Variants in NSUN3 observed in about 807,000 individuals in gnomAD.
NSUN3 encodes the protein NOP2/Sun RNA methyltransferase 3, also known as tRNA (cytosine(34)-C(5))-methyltransferase, mitochondrial.
NSUN3 carries 24 observed loss-of-function variants against 36.8 expected under a neutral mutation model. That is an observed-to-expected ratio of 0.65 (90% CI 0.47 to 0.92). The LOEUF is 0.92. Among genes scored for constraint, NSUN3 ranks in the 40% least tolerant of loss-of-function variants. The pLI is 0.00. For synonymous variants in NSUN3, 146 were observed against 145.2 expected (o/e 1.01, Z -0.04); for missense variants, 381 against 392.8 (o/e 0.97, Z 0.25).
At chr3:94,101,076 C>G (rs1159462928) in intron 5 of NSUN3, among the ~76,000 whole-genome samples, 1 of 152,092 alleles carries the variant, frequency 6.6e-6, no homozygotes, top group Non-Finnish European at 1.5e-5. Flanking sequence ...ACTGCAGCCT[C>G]AATCTCCTGG....
intron 5 of NSUN3, among the ~76,000 whole-genome samples, chr3:94,102,222 A>C (rs1174823656): frequency 1.3e-5 from 2 of 151,294 alleles, no homozygotes; most frequent in Non-Finnish European, 3.0e-5. Context: ...AAAAAAAAAA[A>C]AAACACTAAC....
rs1173811456 is a variant in NSUN3, at chr3:94,131,086, AATTATT to A, written c.*4612_*4617del. Among the ~76,000 whole-genome samples, 2 of 150,970 alleles carry A rather than the reference AATTATT, an allele frequency of 1.3e-5. No homozygotes were observed. The highest frequency in any genetic ancestry group is 6.6e-5 in the Admixed American group (1 of 15,124). On this transcript the variant is annotated 3_prime_UTR_variant, in exon 6 of 6. Coordinates refer to ENST00000314622, the MANE Select transcript of NSUN3 (RefSeq NM_022072.5). ...CAATACCATGCCTGGCTAATTTTTA[AATTATT>A]ATTATTATTATTATTGTAGAGATGT...
Position 94,073,901 on chromosome 3 carries a change from T to C in NSUN3, c.122+9355T>C, listed in dbSNP as rs549977182. Reference sequence around the variant, plus strand: ...TGCCTATGTCCTGAATGGTATTGCCTAGGTTTTCTTCTAGGATTTTTATGG... The same window carrying C: ...TGCCTATGTCCTGAATGGTATTGCCCAGGTTTTCTTCTAGGATTTTTATGG... On this transcript the variant is annotated intron_variant, in intron 2 of 5. Coordinates refer to ENST00000314622, the MANE Select transcript of NSUN3 (RefSeq NM_022072.5). 3.3e-4 allele frequency among the ~76,000 whole-genome samples: 50 copies of C among 152,338 alleles called. No individual in the cohort carries two copies. In the South Asian group the frequency reaches 7.0e-3, roughly 21 times the overall value.
rs985717693 is a variant in NSUN3, at chr3:94,108,758, C to T, written c.743+13604C>T. Among the ~76,000 whole-genome samples the T allele has an allele frequency of 2.0e-5, 3 of 152,096 alleles. No homozygotes were observed. The East Asian group carries it at 5.8e-4, about 29-fold the overall frequency. On this transcript the variant is annotated intron_variant, in intron 5 of 5. Transcript: ENST00000314622. Reference sequence around the variant, plus strand: ...GCTGCTCACTAAGGCGGAGGCCTCCCGGGTTCCATCAATTCTCCTGCCTCA... The same window carrying T: ...GCTGCTCACTAAGGCGGAGGCCTCCTGGGTTCCATCAATTCTCCTGCCTCA...
chr3:94,105,326 C>T (rs1487826504), intron 5 of NSUN3, among the ~76,000 whole-genome samples: 1 of 152,172 alleles, frequency 6.6e-6, no homozygotes, highest in Non-Finnish European at 1.5e-5. Flanking sequence ...CCCTGTGACT[C>T]TTTCTTCTTC....
chr3:94,110,680 G>C (rs914791292), intron 5 of NSUN3, among the ~76,000 whole-genome samples: 2 of 151,554 alleles, frequency 1.3e-5, no homozygotes, highest in African/African-American at 2.4e-5. Flanking sequence ...GGCACAGTAA[G>C]AATCACTGAC....
At chr3:94,098,805 G>C (rs1289140896) in intron 5 of NSUN3, among the ~76,000 whole-genome samples, 3 of 152,042 alleles carry the variant, frequency 2.0e-5, no homozygotes, top group Non-Finnish European at 4.4e-5. Context: ...CAGCTCTGAC[G>C]TCTCCTTACT....
At chr3:94,085,203 A>G (rs1178661016) in intron 3 of NSUN3, 2 of 152,238 alleles carry the variant, frequency 1.3e-5, no homozygotes, top group African/African-American at 4.8e-5. Flanking sequence ...TATTAGAACC[A>G]AAGTGATACA....
rs139784296 is a variant in NSUN3 at position 94,096,051 on chromosome 3, G to A, written c.743+897G>A. The stretch of plus-strand genomic sequence containing the variant: ...TGGGATTACAGGCGTGAGCCACCAC[G>A]CCTGGCCACTAAAGCAAAATTATCT... On this transcript the variant is annotated intron_variant, in intron 5 of 5. Coordinates refer to ENST00000314622, the MANE Select transcript of NSUN3 (RefSeq NM_022072.5). Among the ~76,000 whole-genome samples, 130 of 151,472 alleles carry A rather than the reference G, an allele frequency of 8.6e-4. 2 individuals are homozygous for A. The East Asian group carries it at 0.023, about 26-fold the overall frequency.
chr3:94,080,721 C>T (rs1038890967), intron 2 of NSUN3, among the ~76,000 whole-genome samples: 17 of 152,338 alleles, frequency 1.1e-4, no homozygotes, highest in Middle Eastern at 6.8e-3. Context: ...AAACCACCTA[C>T]TCAAGCCTCA....
rs941206577 is a variant in NSUN3 at position 94,076,136 on chromosome 3, A to G, written c.123-7971A>G. 1.4e-5 allele frequency: 19 copies of G among 1,339,014 alleles called. No homozygotes were observed. In the East Asian group the frequency reaches 1.8e-4, roughly 13 times the overall value. The allele number at this position is 1,339,014 out of a possible 1,614,324, so 82.9% of individuals were successfully genotyped here. A position where few individuals can be genotyped will look rare whatever the true frequency, so the allele number is the denominator to read the frequency against. ...ATCTTCTGGGGATTGTTCCTCTCCA[A>G]TTTTACTTAAATCCTAGACATTCAG... On this transcript the variant is annotated intron_variant, in intron 2 of 5. Transcript: ENST00000314622.
At position 94,064,550 on chromosome 3, in the gene NSUN3, A is replaced by C; in HGVS notation, c.122+4A>C. ...GAGATGCCTGGAATACAGTAAGGTT[A>C]GTATAATTCATCTCGATGCTTTATG... On this transcript the variant is annotated splice_donor_region_variant and intron_variant, in intron 2 of 5. Coordinates refer to ENST00000314622, the MANE Select transcript of NSUN3 (RefSeq NM_022072.5). The C allele has an allele frequency of 6.6e-7, 1 of 1,513,506 alleles. No homozygotes were observed. Among genetic ancestry groups the C allele is most frequent in the Non-Finnish European group, 9.2e-7 (1 of 1,088,858 alleles). The allele number at this position is 1,513,506 out of a possible 1,614,324, so 93.8% of individuals were successfully genotyped here. A position where few individuals can be genotyped will look rare whatever the true frequency, so the allele number is the denominator to read the frequency against.
chr3:94,107,802 G>T (rs1361528564), intron 5 of NSUN3, among the ~76,000 whole-genome samples: 2 of 152,036 alleles, frequency 1.3e-5, no homozygotes, highest in Non-Finnish European at 2.9e-5. Flanking sequence ...CTTTAAAAAG[G>T]TTACCAAACT....
At chr3:94,090,920 A>G (rs949733796) in intron 3 of NSUN3, among the ~76,000 whole-genome samples, 2 of 152,194 alleles carry the variant, frequency 1.3e-5, no homozygotes, top group Non-Finnish European at 2.9e-5. Context: ...CTGGGATTCA[A>G]AGTGCTATAC....
chr3:94,077,041 A>G, intron 2 of NSUN3: 1 of 808,466 alleles, frequency 1.2e-6, no homozygotes, highest in Admixed American at 1.7e-5. Flanking sequence ...CTGGGCAGTT[A>G]GGCTGGGCCA....
intron 5 of NSUN3, among the ~76,000 whole-genome samples, chr3:94,122,959 GAAT>G (rs1200265924): frequency 2.0e-5 from 3 of 152,104 alleles, no homozygotes; most frequent in Non-Finnish European, 4.4e-5. Context: ...CTGCATAATG[GAAT>G]AATATGTTAG....
intron 2 of NSUN3, among the ~76,000 whole-genome samples, chr3:94,070,915 A>G (rs563069021): frequency 5.9e-5 from 9 of 152,336 alleles, no homozygotes; most frequent in African/African-American, 1.9e-4. Flanking sequence ...GACATTTTTG[A>G]TGATAGGTTG....
chr3:94,117,296 G>A (rs568301899), intron 5 of NSUN3, among the ~76,000 whole-genome samples: 13 of 151,964 alleles, frequency 8.6e-5, no homozygotes, highest in South Asian at 2.1e-4. Context: ...CACCACGCCC[G>A]GCCTCACAAC....
rs562044230 is a variant in NSUN3 at position 94,094,428 on chromosome 3, A to G, written c.621+134A>G. The stretch of plus-strand genomic sequence containing the variant: ...TCTCAGTACCCTGGAAAATTTTGAT[A>G]AAGTGAACATGGAAGCAGTTTTCAT... On this transcript the variant is annotated intron_variant, in intron 4 of 5. Coordinates refer to ENST00000314622, the MANE Select transcript of NSUN3 (RefSeq NM_022072.5). 13 of 814,272 alleles carry G rather than the reference A, an allele frequency of 1.6e-5. No homozygotes were observed. The Admixed American group carries it at 3.0e-4, about 19-fold the overall frequency. The allele number at this position is 814,272 out of a possible 1,614,324, so 50.4% of individuals were successfully genotyped here.
Sources: gnomAD v4.1 joint callset for allele counts (sites outside exome capture counted in the v4.1 genomes callset) on GRCh38, gnomAD v4.1.1 for gene constraint, MANE v1.5 for transcripts, NCBI Gene and HGNC (gene_info 2026-07-23, HGNC 2026-07-21) for gene names.